TRIM4: variants seen among roughly 807,000 people sequenced by gnomAD.
TRIM4 encodes the protein E3 ubiquitin-protein ligase TRIM4.
In TRIM4, 29 loss-of-function variants were observed where a neutral mutation model predicts 33.7. That is an observed-to-expected ratio of 0.86 (90% confidence interval 0.64 to 1.17). TRIM4 has a LOEUF of 1.17. TRIM4 is among the 50% of genes most tolerant of loss of function. The pLI is 0.00. For missense variants in TRIM4, 554 were observed against 593.7 expected, an observed-to-expected ratio of 0.93 and a Z score of 0.69; for synonymous variants, 224 against 233.0, an observed-to-expected ratio of 0.96 and a Z score of 0.35.
At chr7:99,912,209 G>A (rs1350884213) in intron 1 of TRIM4, among the ~76,000 whole-genome samples, 2 of 152,148 alleles carry the variant, frequency 1.3e-5, no homozygotes, top group Non-Finnish European at 2.9e-5. Context: ...TAAGATTTGT[G>A]TTTTTCATGG....
intron 1 of TRIM4, among the ~76,000 whole-genome samples, chr7:99,912,297 A>G (rs910841323): frequency 2.6e-5 from 4 of 152,212 alleles, no homozygotes; most frequent in East Asian, 3.8e-4. Flanking sequence ...TTGGGAGGCC[A>G]AGGCAGGTGG....
intron 1 of TRIM4, among the ~76,000 whole-genome samples, chr7:99,910,009 G>A (rs1584270584): frequency 6.6e-6 from 1 of 151,972 alleles, no homozygotes; most frequent in Non-Finnish European, 1.5e-5. Flanking sequence ...TGGGATTACA[G>A]CCATGAGCCA....
chr7:99,897,106 G>A (rs940657078), intron 5 of TRIM4, among the ~76,000 whole-genome samples: 3 of 152,188 alleles, frequency 2.0e-5, no homozygotes, highest in Non-Finnish European at 2.9e-5. Context: ...GGACTATCAT[G>A]ACTAAATTGT....
At chr7:99,897,841 G>A (rs1819057182) in intron 5 of TRIM4, among the ~76,000 whole-genome samples, 1 of 152,216 alleles carries the variant, frequency 6.6e-6, no homozygotes, top group African/African-American at 2.4e-5. Flanking sequence ...CCAGGCCACT[G>A]CCAGGGGTGG....
In TRIM4 at chr7:99,919,457, A is replaced by C. The variant is rs1819642748; in HGVS notation, c.-56T>G. ...ACGTGAGGCGCGGGAGAGGCCAGCA[A>C]GCTGCGAGCGGCCGCGGGGAGGCCA... On this transcript the variant is annotated 5_prime_UTR_variant, in exon 1 of 6. Coordinates refer to ENST00000349062, the MANE Select transcript of TRIM4 (RefSeq NM_033091.3). 2.8e-6 allele frequency: 4 copies of C among 1,444,428 alleles called. No homozygotes were observed. The African/African-American group carries it at 4.5e-5, about 16-fold the overall frequency. 89.5% of individuals were successfully genotyped at this position (1,444,428 alleles called of 1,614,324 possible).
chr7:99,896,490 G>T (rs1456369507), intron 5 of TRIM4, among the ~76,000 whole-genome samples: 2 of 152,222 alleles, frequency 1.3e-5, no homozygotes, highest in African/African-American at 4.8e-5. Flanking sequence ...GTAGCAACTG[G>T]TTTTCGTGTC....
chr7:99,909,257 G>A (rs889201198), intron 2 of TRIM4, among the ~76,000 whole-genome samples: 2 of 152,042 alleles, frequency 1.3e-5, no homozygotes, highest in Non-Finnish European at 2.9e-5. Context: ...GTAGGAAGGA[G>A]AGGGGTGCTA....
chr7:99,915,488 T>C (rs559560688), intron 1 of TRIM4, among the ~76,000 whole-genome samples: 2 of 152,288 alleles, frequency 1.3e-5, no homozygotes, highest in South Asian at 4.1e-4. Flanking sequence ...ATAACGGGTA[T>C]AGGATGGGGA....
chr7:99,895,828 C>T (rs1304928218), intron 5 of TRIM4, among the ~76,000 whole-genome samples: 1 of 152,172 alleles, frequency 6.6e-6, no homozygotes, highest in Admixed American at 6.5e-5. Flanking sequence ...CAGAAATCTA[C>T]TTTGATACTA....
chr7:99,896,692 G>A (rs146275737), intron 5 of TRIM4, among the ~76,000 whole-genome samples: 108 of 152,370 alleles, frequency 7.1e-4, no homozygotes, highest in African/African-American at 2.3e-3. Context: ...TGGGATCAGG[G>A]GAGAATCCAC....
At chr7:99,897,260 A>C (rs1192088988) in intron 5 of TRIM4, among the ~76,000 whole-genome samples, 1 of 152,128 alleles carries the variant, frequency 6.6e-6, no homozygotes, top group African/African-American at 2.4e-5. Flanking sequence ...ACACCCACAG[A>C]GGGTAGCCCT....
At chr7:99,904,458 C>T (rs1326267275) in intron 3 of TRIM4, among the ~76,000 whole-genome samples, 1 of 152,150 alleles carries the variant, frequency 6.6e-6, no homozygotes, top group African/African-American at 2.4e-5. Context: ...ATCTGGTATC[C>T]TGGGTGTGGT....
At chr7:99,902,009 A>G (rs1819183327) in intron 5 of TRIM4, 1 of 688,930 alleles carries the variant, frequency 1.5e-6, no homozygotes, top group Non-Finnish European at 2.6e-6. Context: ...TCAGCCTTAC[A>G]TGGTCTGGAA....
intron 1 of TRIM4, among the ~76,000 whole-genome samples, chr7:99,917,366 G>A (rs149372276): frequency 2.7e-4 from 41 of 152,326 alleles, no homozygotes; most frequent in African/African-American, 9.4e-4. Flanking sequence ...CCTGTTCATA[G>A]TCAGCTGGTA....
At chr7:99,914,518 G>T (rs1819509906) in intron 1 of TRIM4, among the ~76,000 whole-genome samples, 1 of 152,148 alleles carries the variant, frequency 6.6e-6, no homozygotes, top group South Asian at 2.1e-4. Flanking sequence ...ATTCTTCACT[G>T]GCTTTCCTCT....
intron 1 of TRIM4, among the ~76,000 whole-genome samples, chr7:99,915,295 C>T (rs1468154422): frequency 2.0e-5 from 3 of 152,202 alleles, no homozygotes; most frequent in African/African-American, 7.2e-5. Flanking sequence ...GCCACAGCAT[C>T]TGACACAAAG....
At chr7:99,902,047 C>A in intron 5 of TRIM4, 1 of 754,598 alleles carries the variant, frequency 1.3e-6, no homozygotes, top group South Asian at 1.4e-5. Context: ...GTAGGGCAAT[C>A]ATAGGCTGAC....
intron 5 of TRIM4, chr7:99,901,844 G>A: frequency 4.3e-6 from 2 of 467,790 alleles, no homozygotes. Context: ...CAACTAGGAA[G>A]CTCCTCCATA....
At chr7:99,902,663 T>C (rs1010444455) in intron 5 of TRIM4, among the ~76,000 whole-genome samples, 1 of 152,140 alleles carries the variant, frequency 6.6e-6, no homozygotes, top group Non-Finnish European at 1.5e-5. Flanking sequence ...CAGTCTGTCC[T>C]ACACTCTTCT....
Sources: gnomAD v4.1 joint callset for allele counts (sites outside exome capture counted in the v4.1 genomes callset) on GRCh38, gnomAD v4.1.1 for gene constraint, MANE v1.5 for transcripts, NCBI Gene and HGNC (gene_info 2026-07-23, HGNC 2026-07-21) for gene names.